Variants in ABCC4 observed in about 807,000 individuals in gnomAD.
ABCC4 encodes the protein ATP-binding cassette sub-family C member 4.
Under a neutral mutation model 168.5 loss-of-function variants are expected in ABCC4, and 102 were observed. The ratio of observed to expected loss-of-function variants is 0.61; its 90% confidence interval spans 0.52 to 0.71. The LOEUF is 0.71. Ranked by LOEUF, ABCC4 falls within the 30% of genes least tolerant of loss-of-function variation. ABCC4 has a pLI of 0.00. For missense variants in ABCC4, 1,402 were observed against 1,605.8 expected, an observed-to-expected ratio of 0.87 and a Z score of 2.17; for synonymous variants, 617 against 590.7, an observed-to-expected ratio of 1.04 and a Z score of -0.65.
intron 20 of ABCC4, among the ~76,000 whole-genome samples, chr13:95,103,800 C>T (rs1212993606): frequency 1.3e-5 from 2 of 152,166 alleles, no homozygotes; most frequent in Non-Finnish European, 2.9e-5. Flanking sequence ...GCTTAAGAAA[C>T]AAGCCTTCTT....
At chr13:95,253,973 G>A (rs1292184020) in intron 1 of ABCC4, among the ~76,000 whole-genome samples, 2 of 151,990 alleles carry the variant, frequency 1.3e-5, no homozygotes, top group East Asian at 3.9e-4. Flanking sequence ...CCTCACTACA[G>A]CCTCAACCTC....
chr13:95,025,561 C>A (rs969598519), intron 30 of ABCC4, among the ~76,000 whole-genome samples: 7 of 148,714 alleles, frequency 4.7e-5, no homozygotes, highest in African/African-American at 1.7e-4. Context: ...ACATTAAGCA[C>A]AGAAAATTCC....
rs901535807 is a variant in ABCC4, at chr13:95,170,588, C to A, written c.1768G>T (p.Val590Leu). Residue 590 changes from valine to leucine, a missense_variant, in exon 14 of 31, where the codon GTG becomes TTG. Coordinates refer to ENST00000645237, the MANE Select transcript of ABCC4 (RefSeq NM_005845.5). The stretch of plus-strand genomic sequence containing the variant: ...TTGAGGTACTGCAACTGATGAGTCA[C>A]TAAAATTGTGATCTTCTCATGCAAA... Reference protein sequence around the residue: ...QILHEKITILVTHQLQYLKAA... With the variant: ...QILHEKITILLTHQLQYLKAA... 6.2e-7 allele frequency: 1 copy of A among 1,612,326 alleles called. No individual in the cohort carries two copies. Among genetic ancestry groups the A allele is most frequent in the Non-Finnish European group, 8.5e-7 (1 of 1,179,680 alleles).
chr13:95,232,352 GA>G (rs1348084088), intron 4 of ABCC4, among the ~76,000 whole-genome samples: 2 of 152,144 alleles, frequency 1.3e-5, no homozygotes, highest in Non-Finnish European at 2.9e-5. Flanking sequence ...GGACACTCTG[GA>G]TAAGTGACAA....
intron 26 of ABCC4, among the ~76,000 whole-genome samples, chr13:95,059,456 C>T (rs547937455): frequency 1.0e-3 from 154 of 152,334 alleles, no homozygotes; most frequent in African/African-American, 3.4e-3. Flanking sequence ...CCTGTTCTCA[C>T]GCAGGGCTGA....
intron 13 of ABCC4, among the ~76,000 whole-genome samples, chr13:95,171,193 T>C (rs1339273076): frequency 6.6e-6 from 1 of 151,368 alleles, no homozygotes; most frequent in African/African-American, 2.4e-5. Flanking sequence ...CTTGGTCTCA[T>C]CCAGGAAGCA....
chr13:95,031,026 C>T (rs1350212278), intron 30 of ABCC4, among the ~76,000 whole-genome samples: 1 of 152,180 alleles, frequency 6.6e-6, no homozygotes. Context: ...GTTGAGTTTT[C>T]CTTCCAACAA....
intron 3 of ABCC4, among the ~76,000 whole-genome samples, chr13:95,235,091 A>C (rs1178253761): frequency 6.6e-6 from 1 of 151,456 alleles, no homozygotes. Context: ...GGGTCTCACT[A>C]TGTTGCCCAG....
At chr13:95,206,828 T>C in intron 7 of ABCC4, 47 bp from the exon 8 acceptor site, 1 of 1,601,106 alleles carries the variant, frequency 6.2e-7, no homozygotes, top group Non-Finnish European at 8.5e-7. Flanking sequence ...GTCAACCAGA[T>C]AAAGTGGCTC....
intron 20 of ABCC4, among the ~76,000 whole-genome samples, chr13:95,105,329 C>T (rs2034965486): frequency 6.6e-6 from 1 of 151,960 alleles, no homozygotes; most frequent in Non-Finnish European, 1.5e-5. Flanking sequence ...TGCTGTGTGG[C>T]CAGGTTCCTA....
At chr13:95,170,985 C>A (rs1729786) in intron 13 of ABCC4, among the ~76,000 whole-genome samples, 1 of 151,400 alleles carries the variant, frequency 6.6e-6, no homozygotes, top group African/African-American at 2.4e-5. Flanking sequence ...ATCGAGGTCA[C>A]GTAACGACGC....
intron 5 of ABCC4, 56 bp from the exon 6 acceptor site, chr13:95,209,653 A>G (rs1290032415): frequency 4.6e-6 from 7 of 1,515,490 alleles, no homozygotes; most frequent in Non-Finnish European, 5.4e-6. Flanking sequence ...AACCAGTAAG[A>G]ACACAGTACA....
chr13:95,153,429 GA>G (rs1468882320), intron 19 of ABCC4, among the ~76,000 whole-genome samples: 1 of 152,146 alleles, frequency 6.6e-6, no homozygotes, highest in African/African-American at 2.4e-5. Flanking sequence ...CATAGCCACG[GA>G]CATTAGACTG....
chr13:95,168,992 T>C (rs1452958897), intron 14 of ABCC4, among the ~76,000 whole-genome samples: 3 of 152,136 alleles, frequency 2.0e-5, no homozygotes, highest in Middle Eastern at 3.4e-3. Context: ...GATGTCCTTA[T>C]AGGAAGAAAG....
chr13:95,225,942 C>T (rs1237656890), intron 4 of ABCC4, among the ~76,000 whole-genome samples: 1 of 108,122 alleles, frequency 9.2e-6, no homozygotes, highest in African/African-American at 3.6e-5. Context: ...TCATCCTGGG[C>T]AACATACTGA....
intron 20 of ABCC4, chr13:95,096,188 G>GAAA (rs368009361): frequency 3.4e-5 from 17 of 497,280 alleles, no homozygotes; most frequent in South Asian, 9.3e-5. Flanking sequence ...CTCTATGAAA[G>GAAA]AAAAAAAAAA....
intron 8 of ABCC4, among the ~76,000 whole-genome samples, chr13:95,196,607 A>C (rs1483025985): frequency 2.3e-3 from 16 of 6,982 alleles, no homozygotes; most frequent in African/African-American, 9.5e-3. Context: ...GAAGGAAGGA[A>C]GGAAGGAAGG....
intron 6 of ABCC4, among the ~76,000 whole-genome samples, chr13:95,208,809 G>A (rs780030238): frequency 8.6e-5 from 13 of 151,548 alleles, no homozygotes; most frequent in Non-Finnish European, 1.5e-4. Flanking sequence ...TAGTAGAGAC[G>A]GAGTTTTGTC....
intron 30 of ABCC4, among the ~76,000 whole-genome samples, chr13:95,029,195 TATATATATATATATATATAG>T (rs1566355230): frequency 1.1e-4 from 9 of 79,260 alleles, no homozygotes; most frequent in African/African-American, 5.0e-4. Context: ...TATATATATA[TATATATATATATATATATAG>T]AGAGAGAGAG....
Sources: gnomAD v4.1 joint callset for allele counts (sites outside exome capture counted in the v4.1 genomes callset) on GRCh38, gnomAD v4.1.1 for gene constraint, MANE v1.5 for transcripts, NCBI Gene and HGNC (gene_info 2026-07-23, HGNC 2026-07-21) for gene names.